LRFN5: variants seen among roughly 807,000 people sequenced by gnomAD.
The protein encoded by LRFN5 is leucine-rich repeat and fibronectin type-III domain-containing protein 5.
In LRFN5, 24 loss-of-function variants were observed where a neutral mutation model predicts 45.6. The ratio of observed to expected loss-of-function variants is 0.53; its 90% CI spans 0.38 to 0.74. LRFN5 has a LOEUF of 0.74. Among genes scored for constraint, LRFN5 ranks in the 30% least tolerant of loss-of-function variants. The probability of loss-of-function intolerance (pLI) is 0.00; values close to 1 mark genes in which losing one functional copy is unlikely to be tolerated. For synonymous variants in LRFN5, 340 were observed against 313.8 expected, an observed-to-expected ratio of 1.08 and a Z score of -0.88; for missense variants, 776 against 861.5, an observed-to-expected ratio of 0.90 and a Z score of 1.24.
At chr14:41,782,777 C>G (rs1886575039) in intron 2 of LRFN5, among the ~76,000 whole-genome samples, 1 of 152,228 alleles carries the variant, frequency 6.6e-6, no homozygotes, top group East Asian at 1.9e-4. Flanking sequence ...TTGGGCTTCT[C>G]CAAGTATTTC....
chr14:41,649,542 G>T (rs1879990888), intron 1 of LRFN5, among the ~76,000 whole-genome samples: 1 of 152,056 alleles, frequency 6.6e-6, no homozygotes, highest in South Asian at 2.1e-4. Flanking sequence ...CTTCTCCTAG[G>T]CCCATCTGTG....
chr14:41,759,813 T>A (rs780724275), intron 1 of LRFN5, among the ~76,000 whole-genome samples: 2 of 152,244 alleles, frequency 1.3e-5, no homozygotes, highest in African/African-American at 2.4e-5. Context: ...AATAATTCAC[T>A]GTGACAATTA....
intron 1 of LRFN5, among the ~76,000 whole-genome samples, chr14:41,745,714 A>G (rs1258024519): frequency 1.3e-5 from 2 of 152,048 alleles, no homozygotes. Context: ...ACAGAAATAA[A>G]AAGGATTACG....
chr14:41,679,266 C>G (rs1881778062), intron 1 of LRFN5, among the ~76,000 whole-genome samples: 1 of 152,174 alleles, frequency 6.6e-6, no homozygotes. Context: ...CAGTGAAACA[C>G]AAGCCAGGGT....
At chr14:41,739,391 C>CATT (rs1884591605) in intron 1 of LRFN5, among the ~76,000 whole-genome samples, 1 of 147,666 alleles carries the variant, frequency 6.8e-6, no homozygotes, top group Non-Finnish European at 1.5e-5. Flanking sequence ...TGTCAATCAT[C>CATT]ATCATCATCA....
rs375431953 is a variant in LRFN5 at position 41,895,439 on chromosome 14, C to T, written c.2098+3477C>T. Among the ~76,000 whole-genome samples, 339 of 152,100 alleles carry T rather than the reference C, an allele frequency of 2.2e-3. 2 individuals carry two copies. The highest frequency in any genetic ancestry group is 7.8e-3 in the African/African-American group (324 of 41,494). ...AGGAGTTAGAGACCAGTCAGGCCAACGTGGTGAAACCCTGTCACTAGTAAA... is the reference window on the plus strand; with the variant it reads ...AGGAGTTAGAGACCAGTCAGGCCAATGTGGTGAAACCCTGTCACTAGTAAA... On this transcript the variant is annotated intron_variant, in intron 4 of 5. Transcript: ENST00000298119.
At chr14:41,614,977 A>T (rs770905298) in intron 1 of LRFN5, among the ~76,000 whole-genome samples, 2 of 152,046 alleles carry the variant, frequency 1.3e-5, no homozygotes, top group Non-Finnish European at 2.9e-5. Context: ...CAGGCAGAAG[A>T]TGTAAAGCAG....
At chr14:41,689,878 G>C (rs1303661348) in intron 1 of LRFN5, among the ~76,000 whole-genome samples, 3 of 114,754 alleles carry the variant, frequency 2.6e-5, no homozygotes, top group Non-Finnish European at 4.9e-5. Flanking sequence ...CTGGGCCACA[G>C]AGCGAGACTC....
chr14:41,858,023 G>A lies in LRFN5; in HGVS notation c.-20-28583G>A, dbSNP rs1375269084. Among the ~76,000 whole-genome samples the A allele has an allele frequency of 2.6e-5, 4 of 152,260 alleles. No individual in the cohort carries two copies. The East Asian group carries it at 7.7e-4, about 29-fold the overall frequency. On this transcript the variant is annotated intron_variant, in intron 2 of 5. Transcript: ENST00000298119. ...AATATAATACATTAGAGCTAAATTG[G>A]AGAAAGTTTAATTTTATCTTATAAA...
chr14:41,764,298 C>G (rs1885788213), intron 1 of LRFN5, among the ~76,000 whole-genome samples: 2 of 152,062 alleles, frequency 1.3e-5, no homozygotes. Flanking sequence ...TTTCTCTGTC[C>G]TTGCATTTTT....
At chr14:41,678,039 T>A (rs1881715135) in intron 1 of LRFN5, among the ~76,000 whole-genome samples, 2 of 151,922 alleles carry the variant, frequency 1.3e-5, no homozygotes, top group African/African-American at 4.8e-5. Context: ...AACTTAAAAA[T>A]TCAACTAAAC....
chr14:41,891,719 A>C lies in LRFN5; in HGVS notation c.1855A>C (p.Ser619Arg). 2 of 1,614,210 alleles carry C rather than the reference A, an allele frequency of 1.2e-6. No homozygotes were observed. The highest frequency in any genetic ancestry group is 1.6e-4 in the Middle Eastern group (1 of 6,062). ...NVIQSSETCS[S>R]QDSSTTTSAL... ...GATTCAATCTTCAGAAACTTGTTCG[A>C]GTCAGGACTCCTCTACCACTACCTC... The change falls in exon 4 of 6, where the codon AGT (serine) becomes CGT (arginine). Residue 619 changes from serine (S) to arginine (R), a missense_variant. Transcript: ENST00000298119.
intron 2 of LRFN5, among the ~76,000 whole-genome samples, chr14:41,801,934 C>G (rs1000089643): frequency 6.6e-6 from 1 of 152,086 alleles, no homozygotes; most frequent in African/African-American, 2.4e-5. Flanking sequence ...TGGGAGGGAC[C>G]TCAATGAAGA....
chr14:41,845,085 A>G (rs1889013475), intron 2 of LRFN5, among the ~76,000 whole-genome samples: 1 of 152,150 alleles, frequency 6.6e-6, no homozygotes, highest in Non-Finnish European at 1.5e-5. Context: ...GCACAATTTT[A>G]TCTAACACTA....
chr14:41,737,885 G>T (rs558755172), intron 1 of LRFN5, among the ~76,000 whole-genome samples: 1 of 152,116 alleles, frequency 6.6e-6, no homozygotes, highest in Admixed American at 6.6e-5. Flanking sequence ...CATGCTCATG[G>T]ATAGGAAGAA....
chr14:41,858,194 TCAC>T (rs1566487548), intron 2 of LRFN5, among the ~76,000 whole-genome samples: 1 of 152,074 alleles, frequency 6.6e-6, no homozygotes, highest in Non-Finnish European at 1.5e-5. Context: ...AATATTATCT[TCAC>T]CTGTTAGTGA....
At chr14:41,768,635 T>C (rs2138886081) in intron 2 of LRFN5, among the ~76,000 whole-genome samples, 1 of 152,236 alleles carries the variant, frequency 6.6e-6, no homozygotes, top group South Asian at 2.1e-4. Flanking sequence ...ACTGTGAAAA[T>C]GTAAAAATAG....
At chr14:41,628,885 C>T (rs1308869135) in intron 1 of LRFN5, among the ~76,000 whole-genome samples, 5 of 152,170 alleles carry the variant, frequency 3.3e-5, no homozygotes, top group Non-Finnish European at 4.4e-5. Flanking sequence ...CTCCTGTCAG[C>T]GCATACTACA....
intron 2 of LRFN5, among the ~76,000 whole-genome samples, chr14:41,865,649 C>T (rs1336214309): frequency 1.3e-5 from 2 of 152,164 alleles, no homozygotes; most frequent in Non-Finnish European, 2.9e-5. Context: ...TATTTAACTG[C>T]TTGCAAAGTG....
Sources: allele counts gnomAD v4.1 joint callset (sites outside exome capture counted in the v4.1 genomes callset), GRCh38; gene constraint gnomAD v4.1.1; transcripts MANE v1.5; gene names NCBI Gene and HGNC (gene_info 2026-07-23, HGNC 2026-07-21).